Variants in NGEF observed in about 807,000 individuals in gnomAD.
NGEF encodes the protein neuronal guanine nucleotide exchange factor.
NGEF carries 31 observed loss-of-function variants against 80.9 expected under a neutral mutation model. The ratio of observed to expected loss-of-function variants is 0.38; its 90% CI spans 0.29 to 0.52. The LOEUF is 0.52. NGEF is among the 20% of genes least tolerant of loss of function. NGEF has a pLI of 0.84. For missense variants in NGEF, 709 were observed against 926.2 expected, an observed-to-expected ratio of 0.77 and a Z score of 3.04; for synonymous variants, 371 against 370.2, an observed-to-expected ratio of 1.00 and a Z score of -0.03.
intron 7 of NGEF, among the ~76,000 whole-genome samples, chr2:232,891,946 G>A (rs368901952): frequency 5.9e-5 from 9 of 151,648 alleles, no homozygotes; most frequent in Admixed American, 3.3e-4. Context: ...AGGTGAGCTC[G>A]GCCCCATGCA....
rs1037782009 is a variant in NGEF, at chr2:232,885,189, C to A, written c.1437+91G>T. 4.1e-6 allele frequency: 5 copies of A among 1,226,526 alleles called. No homozygotes were observed. The African/African-American group carries it at 4.5e-5, about 11-fold the overall frequency. 76.0% of individuals were successfully genotyped at this position (1,226,526 alleles called of 1,614,324 possible). A position where few individuals can be genotyped will look rare whatever the true frequency, so the allele number is the denominator to read the frequency against. ...TGTGGCCAGTGACCAAGGACCTAAG[C>A]AAGGCCAGCCAGGCGCGGTGATCTG... On this transcript the variant is annotated intron_variant, in intron 10 of 14. Coordinates refer to ENST00000264051, the MANE Select transcript of NGEF (RefSeq NM_019850.3).
At chr2:232,904,614 G>A (rs2257942) in intron 5 of NGEF, among the ~76,000 whole-genome samples, 122,004 of 152,136 alleles carry the variant, frequency 0.8, 49,078 homozygotes, top group African/African-American at 0.85. Flanking sequence ...CACTATCCCA[G>A]AAGGGTGGGA....
intron 1 of NGEF, among the ~76,000 whole-genome samples, chr2:232,978,890 T>C (rs1470828333): frequency 1.3e-5 from 2 of 152,148 alleles, no homozygotes; most frequent in Non-Finnish European, 2.9e-5. Flanking sequence ...GCCTAATACT[T>C]GTATTTTTTG....
At chr2:232,993,113 A>G (rs1296432579) in intron 1 of NGEF, among the ~76,000 whole-genome samples, 4 of 58,816 alleles carry the variant, frequency 6.8e-5, no homozygotes, top group African/African-American at 2.2e-4. Flanking sequence ...ATAAATATAT[A>G]TATATAAATA....
intron 3 of NGEF, chr2:232,927,913 C>A (rs1205955856): frequency 1.5e-6 from 2 of 1,323,244 alleles, no homozygotes; most frequent in Non-Finnish European, 1.9e-6. Context: ...GGTGTCCCGC[C>A]GCCGAGTCGC....
chr2:232,939,291 A>G lies in NGEF; in HGVS notation c.384-12105T>C, dbSNP rs139044543. On this transcript the variant is annotated intron_variant, in intron 3 of 14. Coordinates refer to ENST00000264051, the MANE Select transcript of NGEF (RefSeq NM_019850.3). The stretch of plus-strand genomic sequence containing the variant: ...CCTCATAAACTACATAGTTAAATCT[A>G]ATGTAGTTCCATATTAGTGAGACCA... 4.6e-3 allele frequency among the ~76,000 whole-genome samples: 695 copies of G among 152,220 alleles called. 14 individuals carry two copies. The highest frequency in any genetic ancestry group is 4.4e-3 in the Non-Finnish European group (301 of 68,002).
intron 14 of NGEF, 134 bp downstream of exon 14, chr2:232,881,012 A>G: frequency 2.9e-6 from 2 of 690,992 alleles, no homozygotes. Context: ...TCCAAGCAGA[A>G]TGTCTCAGGG....
intron 5 of NGEF, among the ~76,000 whole-genome samples, chr2:232,912,527 T>A (rs1237399862): frequency 6.6e-6 from 1 of 152,200 alleles, no homozygotes; most frequent in South Asian, 2.1e-4. Flanking sequence ...GCTGGCCTTA[T>A]AAAAAGTTGG....
intron 5 of NGEF, among the ~76,000 whole-genome samples, chr2:232,896,805 G>GGC (rs1692099549): frequency 8.8e-6 from 1 of 113,790 alleles, no homozygotes; most frequent in Non-Finnish European, 1.8e-5. Context: ...TGAAGGTAGG[G>GGC]GTGAGGGTAG....
intron 5 of NGEF, among the ~76,000 whole-genome samples, chr2:232,914,964 C>T (rs542584920): frequency 6.6e-6 from 1 of 151,670 alleles, no homozygotes; most frequent in African/African-American, 2.4e-5. Flanking sequence ...CTGCAGCAAG[C>T]CGAGATTGTG....
In NGEF at chr2:232,974,906, T is replaced by C. The variant is rs568077275; in HGVS notation, c.-16A>G. 2 of 1,610,408 alleles carry C rather than the reference T, an allele frequency of 1.2e-6. No homozygotes were observed. Among genetic ancestry groups the C allele is most frequent in the Non-Finnish European group, 1.7e-6 (2 of 1,178,496 alleles). On this transcript the variant is annotated 5_prime_UTR_variant, in exon 2 of 15. Transcript: ENST00000264051. ...TGGTCTCCATGGAAATAGAGCCAGA[T>C]GTTTCTCAGCAGAACGACTGGAGGT...
chr2:232,950,233 G>A (rs1387368352), intron 3 of NGEF, among the ~76,000 whole-genome samples: 2 of 152,066 alleles, frequency 1.3e-5, no homozygotes, highest in Non-Finnish European at 2.9e-5. Context: ...CTTTCTTTAT[G>A]AATGATCTCT....
intron 5 of NGEF, among the ~76,000 whole-genome samples, chr2:232,900,097 CAT>C (rs1232646643): frequency 6.8e-6 from 1 of 147,338 alleles, no homozygotes; most frequent in Admixed American, 6.8e-5. Context: ...CACTTAGACA[CAT>C]GCTCTCAGTC....
chr2:232,893,145 G>C, intron 6 of NGEF, 95 bp from the exon 7 acceptor site: 1 of 1,294,446 alleles, frequency 7.7e-7, no homozygotes, highest in Non-Finnish European at 1.1e-6. Flanking sequence ...CTTGGACATT[G>C]GACATAGCAG....
chr2:232,918,863 G>A (rs1692870804), intron 5 of NGEF, among the ~76,000 whole-genome samples: 1 of 151,978 alleles, frequency 6.6e-6, no homozygotes, highest in Non-Finnish European at 1.5e-5. Flanking sequence ...TCCTGAGCTC[G>A]TGATCCACCA....
In NGEF at chr2:232,884,283, C is replaced by T. The variant is rs990858272; in HGVS notation, c.1438-139G>A. 1.7e-5 allele frequency: 16 copies of T among 948,944 alleles called. 1 individual carries two copies. Among genetic ancestry groups the T allele is most frequent in the East Asian group, 5.4e-5 (2 of 37,072 alleles). 58.8% of individuals were successfully genotyped at this position (948,944 alleles called of 1,614,324 possible). A position where few individuals can be genotyped will look rare whatever the true frequency, so the allele number is the denominator to read the frequency against. ...TGAGGCACAAGTTGGGGGGAAAGGC[C>T]GAGTTCTGGACGGATGCAGAGAGAT... On this transcript the variant is annotated intron_variant, in intron 10 of 14. Coordinates refer to ENST00000264051, the MANE Select transcript of NGEF (RefSeq NM_019850.3).
intron 1 of NGEF, among the ~76,000 whole-genome samples, chr2:232,993,166 T>TTTATTTATATATATAA (rs1694697858): frequency 1.3e-4 from 12 of 93,888 alleles, no homozygotes; most frequent in African/African-American, 8.7e-4. Context: ...TATATATATA[T>TTTATTTATATATATAA]TATATATATA....
At position 232,881,249 on chromosome 2, in the gene NGEF, G is replaced by A; in HGVS notation, c.1839C>T (p.Asp613=). The A allele has an allele frequency of 6.2e-7, 1 of 1,606,244 alleles. No individual in the cohort carries two copies. The highest frequency in any genetic ancestry group is 8.5e-7 in the Non-Finnish European group (1 of 1,179,804). The stretch of plus-strand genomic sequence containing the variant: ...GGTGCACGCACTGGACCTGGGGGCA[G>A]TCTGAGGGACAAGAGGCACGGGCAC... ...KFVSFTSRLL[D]CPQVQCVHPY... is the part of the protein sequence containing the mutation. Residue 613 remains aspartate (D), a splice_region_variant and synonymous_variant, in exon 14 of 15, where the codon GAC becomes GAT. Coordinates refer to ENST00000264051, the MANE Select transcript of NGEF (RefSeq NM_019850.3).
intron 3 of NGEF, among the ~76,000 whole-genome samples, chr2:232,948,153 G>GTGTA (rs2106303123): frequency 7.4e-6 from 1 of 134,598 alleles, no homozygotes; most frequent in East Asian, 2.3e-4. Flanking sequence ...GGAGATGTGT[G>GTGTA]TGTGTGTGTG....
Sources: gnomAD v4.1 joint callset for allele counts (sites outside exome capture counted in the v4.1 genomes callset) on GRCh38, gnomAD v4.1.1 for gene constraint, MANE v1.5 for transcripts, NCBI Gene and HGNC (gene_info 2026-07-23, HGNC 2026-07-21) for gene names.